Variants in CPEB1 observed in about 807,000 individuals in gnomAD.
CPEB1 encodes the protein cytoplasmic polyadenylation element-binding protein 1.
Under a neutral mutation model 65.8 loss-of-function variants are expected in CPEB1, and 7 were observed. The observed-to-expected ratio is 0.11, with a 90% CI of 0.06 to 0.20. The LOEUF (loss-of-function observed/expected upper bound fraction) is 0.20, where lower values mean the gene tolerates loss of function less well. Ranked by LOEUF, CPEB1 falls within the 10% of genes least tolerant of loss-of-function variation. CPEB1 has a pLI of 1.00. For missense variants in CPEB1, 551 were observed against 712.2 expected, an observed-to-expected ratio of 0.77 and a Z score of 2.58; for synonymous variants, 262 against 260.0, an observed-to-expected ratio of 1.01 and a Z score of -0.08.
At chr15:82,594,214 G>T (rs914729982) in intron 3 of CPEB1, among the ~76,000 whole-genome samples, 2 of 152,176 alleles carry the variant, frequency 1.3e-5, no homozygotes, top group Non-Finnish European at 2.9e-5. Context: ...TCTACATTGA[G>T]AATCTGTTGT....
chr15:82,643,630 A>C lies in CPEB1; in HGVS notation c.-98+3507T>G, dbSNP rs72751682. 7.6e-3 allele frequency among the ~76,000 whole-genome samples: 1,136 copies of C among 149,598 alleles called. 13 individuals carry two copies. Among genetic ancestry groups the C allele is most frequent in the Non-Finnish European group, 8.6e-3 (575 of 67,142 alleles). ...GGCAACAGAGTCTCCATCTCAAAAA[A>C]AAAAAATCCTTGAAAATGAAATATA... is the stretch of plus-strand genomic sequence containing the variant. On this transcript the variant is annotated intron_variant, in intron 1 of 12. Transcript: ENST00000684509.
rs1480993640 is a variant in CPEB1 at position 82,570,607 on chromosome 15, AG to A, written c.460+736del. Among the ~76,000 whole-genome samples the A allele has an allele frequency of 3.9e-5, 6 of 152,006 alleles. No individual in the cohort carries two copies. In the East Asian group the frequency reaches 1.2e-3, roughly 29 times the overall value. On this transcript the variant is annotated intron_variant, in intron 4 of 12. Transcript: ENST00000684509. ...AGAAGGTATAAGCAGAAGCAATTTA[AG>A]GGGGGGCTGCCAAGAAGTCCCTTTA...
Position 82,544,515 on chromosome 15 carries a change from A to T in CPEB1, c.*77T>A. The T allele has an allele frequency of 9.6e-7, 1 of 1,044,070 alleles. No homozygotes were observed. Among genetic ancestry groups the T allele is most frequent in the Middle Eastern group, 3.1e-4 (1 of 3,216 alleles). 64.7% of individuals were successfully genotyped at this position (1,044,070 alleles called of 1,614,324 possible). On this transcript the variant is annotated 3_prime_UTR_variant, in exon 13 of 13. Coordinates refer to ENST00000684509, the MANE Select transcript of CPEB1 (RefSeq NM_001365242.1). ...TTGGGAAGCCAGCTCCCTGGTCGCC[A>T]GTGGCAGGGTGGTGCAGGCTGCTTG...
intron 3 of CPEB1, among the ~76,000 whole-genome samples, chr15:82,617,252 T>C (rs1227981947): frequency 6.6e-6 from 1 of 152,252 alleles, no homozygotes; most frequent in East Asian, 1.9e-4. Context: ...TTATTCCTCT[T>C]TACTGCTGAG....
intron 4 of CPEB1, among the ~76,000 whole-genome samples, chr15:82,567,061 GC>G (rs908181139): frequency 1.3e-5 from 2 of 152,174 alleles, no homozygotes; most frequent in African/African-American, 4.8e-5. Context: ...ACAGCCATTA[GC>G]CAAGCACTGT....
intron 3 of CPEB1, among the ~76,000 whole-genome samples, chr15:82,596,818 C>T (rs1397135991): frequency 1.3e-5 from 2 of 151,598 alleles, no homozygotes; most frequent in East Asian, 3.9e-4. Context: ...AGTTTTGATA[C>T]ATCCTCTTGA....
At chr15:82,629,185 C>T (rs7165125) in intron 1 of CPEB1, 1 of 779,854 alleles carries the variant, frequency 1.3e-6, no homozygotes, top group Non-Finnish European at 1.6e-6. Flanking sequence ...TAACCTCTAT[C>T]CCTCAGTTTC....
chr15:82,630,827 GA>G (rs1224705677), intron 1 of CPEB1, among the ~76,000 whole-genome samples: 1 of 152,082 alleles, frequency 6.6e-6, no homozygotes, highest in Non-Finnish European at 1.5e-5. Flanking sequence ...GTATAGGAGA[GA>G]AAATTGGAAA....
intron 3 of CPEB1, among the ~76,000 whole-genome samples, chr15:82,626,154 G>A (rs564406296): frequency 2.0e-4 from 30 of 151,404 alleles, no homozygotes; most frequent in Middle Eastern, 3.6e-3. Flanking sequence ...ATAAAATAAA[G>A]GCCGGGTGCA....
At position 82,549,631 on chromosome 15, in the gene CPEB1, C is replaced by T. The variant is rs936176471; in HGVS notation, c.1309G>A (p.Asp437Asn). 7 of 1,614,044 alleles carry T rather than the reference C, an allele frequency of 4.3e-6. No homozygotes were observed. The highest frequency in any genetic ancestry group is 2.2e-5 in the East Asian group (1 of 44,902). The change falls in exon 10 of 13, where the codon GAC becomes AAC. Residue 437 changes from aspartate to asparagine, a missense_variant. Physicochemically the swap from Asp to Asn is conservative, Grantham distance 23. Coordinates refer to ENST00000684509, the MANE Select transcript of CPEB1 (RefSeq NM_001365242.1). The part of the protein sequence containing the change: ...EVQVIPWVLA[D>N]SNFVRSPSQR... The stretch of plus-strand genomic sequence containing the variant: ...GATGGGCTCCGGACAAAGTTACTGT[C>T]GGCTAATACCCAGGGGATCACCTGC...
chr15:82,604,240 T>C (rs1461815526), intron 3 of CPEB1, among the ~76,000 whole-genome samples: 10 of 151,952 alleles, frequency 6.6e-5, no homozygotes, highest in Admixed American at 6.6e-4. Context: ...TCCCAGCACT[T>C]TGGGAGGCCG....
rs193049899 is a variant in CPEB1 at position 82,591,082 on chromosome 15, G to T, written c.272-19550C>A. Among the ~76,000 whole-genome samples, 90 of 152,220 alleles carry T rather than the reference G, an allele frequency of 5.9e-4. 1 individual carries two copies. Among genetic ancestry groups the T allele is most frequent in the African/African-American group, 2.1e-3 (86 of 41,550 alleles). On this transcript the variant is annotated intron_variant, in intron 3 of 12. Coordinates refer to ENST00000684509, the MANE Select transcript of CPEB1 (RefSeq NM_001365242.1). ...GAAGTTGTGTTTTTAGCTCTTTGAA[G>T]AATCACTACACTATTTTCCACAATG...
At chr15:82,626,504 C>G (rs1238083361) in intron 3 of CPEB1, among the ~76,000 whole-genome samples, 2 of 152,050 alleles carry the variant, frequency 1.3e-5, no homozygotes, top group Non-Finnish European at 2.9e-5. Context: ...AACACTTCAA[C>G]ATTCTTATAA....
intron 4 of CPEB1, among the ~76,000 whole-genome samples, chr15:82,561,602 A>G (rs1328922325): frequency 6.6e-6 from 1 of 152,188 alleles, no homozygotes; most frequent in Non-Finnish European, 1.5e-5. Context: ...TATTTTGGAA[A>G]GAGTCAAAAA....
intron 3 of CPEB1, among the ~76,000 whole-genome samples, chr15:82,580,410 T>C (rs2041165723): frequency 6.6e-6 from 1 of 151,978 alleles, no homozygotes; most frequent in Non-Finnish European, 1.5e-5. Flanking sequence ...AAATAGATAA[T>C]AGGTCTCAAA....
intron 3 of CPEB1, among the ~76,000 whole-genome samples, chr15:82,598,212 ACGC>A (rs1220689288): frequency 6.6e-6 from 1 of 152,222 alleles, no homozygotes; most frequent in African/African-American, 2.4e-5. Flanking sequence ...GCGGTGGCTC[ACGC>A]CTGTAATCCT....
chr15:82,564,118 C>G (rs2038702798), intron 4 of CPEB1, among the ~76,000 whole-genome samples: 1 of 152,206 alleles, frequency 6.6e-6, no homozygotes, highest in Admixed American at 6.5e-5. Context: ...CTTTACCATC[C>G]TACTCCAATA....
chr15:82,628,059 A>C (rs75395360), intron 2 of CPEB1: 12,649 of 618,300 alleles, frequency 0.02, 178 homozygotes, highest in Non-Finnish European at 0.026. Flanking sequence ...TACACATGCT[A>C]CTCTACAGAA....
At chr15:82,627,389 T>A in intron 2 of CPEB1, 22 bp from the exon 3 acceptor site, 2 of 1,584,756 alleles carry the variant, frequency 1.3e-6, no homozygotes, top group East Asian at 2.2e-5. Context: ...AAAAAAAAGA[T>A]ATTTAGGTTT....
Sources: allele counts gnomAD v4.1 joint callset (sites outside exome capture counted in the v4.1 genomes callset), GRCh38; gene constraint gnomAD v4.1.1; transcripts MANE v1.5; gene names NCBI Gene and HGNC (gene_info 2026-07-23, HGNC 2026-07-21).